The following TMEM135 variants were observed in gnomAD, a reference collection of about 807,000 sequenced individuals.
The protein encoded by TMEM135 is transmembrane protein 135.
A neutral mutation model predicts 60.3 loss-of-function variants in TMEM135; 30 were observed. That is an observed-to-expected ratio of 0.50 (90% confidence interval 0.37 to 0.68). TMEM135 has a LOEUF of 0.68. Among genes scored for constraint, TMEM135 ranks in the 30% least tolerant of loss-of-function variants. TMEM135 has a pLI of 0.00. For missense variants in TMEM135, 468 were observed against 548.8 expected (o/e 0.85, Z 1.47); for synonymous variants, 190 against 186.7 (o/e 1.02, Z -0.14).
chr11:87,180,368 C>A (rs182944051), intron 5 of TMEM135, among the ~76,000 whole-genome samples: 1 of 152,150 alleles, frequency 6.6e-6, no homozygotes, highest in African/African-American at 2.4e-5. Flanking sequence ...CCCTTTCTTG[C>A]CACTTCTCCC....
At chr11:87,215,461 G>C (rs1458706088) in intron 5 of TMEM135, among the ~76,000 whole-genome samples, 9 of 152,110 alleles carry the variant, frequency 5.9e-5, no homozygotes, top group Admixed American at 5.9e-4. Flanking sequence ...GGGGCTGCCT[G>C]GTCTTAACAT....
chr11:87,207,515 G>A (rs777989824), intron 5 of TMEM135, among the ~76,000 whole-genome samples: 5 of 152,054 alleles, frequency 3.3e-5, no homozygotes, highest in Non-Finnish European at 5.9e-5. Flanking sequence ...TTAATTGAAA[G>A]CATAAAATTT....
chr11:87,276,878 G>T (rs1311501513), intron 6 of TMEM135, among the ~76,000 whole-genome samples: 1 of 151,604 alleles, frequency 6.6e-6, no homozygotes, highest in Non-Finnish European at 1.5e-5. Flanking sequence ...CACCATGTTG[G>T]CCAGGCTGGT....
chr11:87,314,558 T>C lies in TMEM135; in HGVS notation c.1077+11T>C. On this transcript the variant is annotated intron_variant, in intron 12 of 14. Coordinates refer to ENST00000305494, the MANE Select transcript of TMEM135 (RefSeq NM_022918.4). Reference sequence around the variant, plus strand: ...TCCAAATTGGTAGAGGTAAGCGAAATTTTTGTGCAAGAATAGTTCCAAAGA... The same window carrying C: ...TCCAAATTGGTAGAGGTAAGCGAAACTTTTGTGCAAGAATAGTTCCAAAGA... 1 of 1,607,954 alleles carries C rather than the reference T, an allele frequency of 6.2e-7. No individual in the cohort carries two copies. The highest frequency in any genetic ancestry group is 2.2e-5 in the East Asian group (1 of 44,684).
intron 8 of TMEM135, 62 bp from the exon 9 acceptor site, chr11:87,305,874 C>A: frequency 8.1e-7 from 1 of 1,236,378 alleles, no homozygotes; most frequent in Non-Finnish European, 1.1e-6. Flanking sequence ...CAAACATGTA[C>A]AAACACATGG....
At chr11:87,079,204 C>A (rs907347271) in intron 3 of TMEM135, among the ~76,000 whole-genome samples, 2 of 152,068 alleles carry the variant, frequency 1.3e-5, no homozygotes, top group Admixed American at 1.3e-4. Flanking sequence ...TGGGGTTTCA[C>A]CATGCTGGCC....
intron 2 of TMEM135, among the ~76,000 whole-genome samples, chr11:87,068,874 A>G (rs1856719026): frequency 6.6e-6 from 1 of 152,110 alleles, no homozygotes; most frequent in African/African-American, 2.4e-5. Context: ...GATCATTATC[A>G]GATCATTAAT....
intron 1 of TMEM135, among the ~76,000 whole-genome samples, chr11:87,062,679 G>T (rs897049849): frequency 1.1e-4 from 16 of 151,690 alleles, no homozygotes; most frequent in Non-Finnish European, 2.2e-4. Flanking sequence ...TGGCCAGGCT[G>T]GTCTTGAACT....
chr11:87,120,799 G>A (rs61464568), intron 4 of TMEM135, among the ~76,000 whole-genome samples: 15,682 of 151,990 alleles, frequency 0.1, 838 homozygotes, highest in African/African-American at 0.12. Flanking sequence ...AATTATAATC[G>A]TTTAAAGCAC....
At chr11:87,063,818 C>G (rs1302304738) in intron 1 of TMEM135, among the ~76,000 whole-genome samples, 4 of 152,130 alleles carry the variant, frequency 2.6e-5, no homozygotes, top group African/African-American at 9.7e-5. Flanking sequence ...ACAGTTTGGT[C>G]TATCAATATG....
intron 3 of TMEM135, among the ~76,000 whole-genome samples, chr11:87,083,455 A>G (rs1325654343): frequency 6.6e-6 from 1 of 152,256 alleles, no homozygotes; most frequent in Admixed American, 6.5e-5. Flanking sequence ...GTGCTCAAAC[A>G]TGAACATGGA....
intron 4 of TMEM135, among the ~76,000 whole-genome samples, chr11:87,093,564 T>A (rs1406852700): frequency 6.6e-6 from 1 of 152,032 alleles, no homozygotes; most frequent in Non-Finnish European, 1.5e-5. Flanking sequence ...GGAGTCTCGC[T>A]CTGTCACCCG....
intron 5 of TMEM135, among the ~76,000 whole-genome samples, chr11:87,161,247 A>G (rs1388246090): frequency 6.6e-6 from 1 of 152,140 alleles, no homozygotes; most frequent in African/African-American, 2.4e-5. Flanking sequence ...CTAACTTTTA[A>G]AATAATCATT....
intron 3 of TMEM135, among the ~76,000 whole-genome samples, chr11:87,075,044 A>T (rs1590998878): frequency 6.6e-6 from 1 of 151,842 alleles, no homozygotes; most frequent in Non-Finnish European, 1.5e-5. Context: ...GGCCTAAGAG[A>T]TCCTCTTGCC....
chr11:87,159,091 G>A (rs1444542479), intron 5 of TMEM135, among the ~76,000 whole-genome samples: 1 of 152,076 alleles, frequency 6.6e-6, no homozygotes, highest in Non-Finnish European at 1.5e-5. Context: ...TACTTAATAG[G>A]CAGGAAATAG....
intron 8 of TMEM135, among the ~76,000 whole-genome samples, chr11:87,304,941 T>G (rs895835242): frequency 1.3e-5 from 2 of 152,218 alleles, no homozygotes; most frequent in Non-Finnish European, 2.9e-5. Flanking sequence ...TTTAACATGC[T>G]AAACCACTAA....
At chr11:87,185,452 C>T (rs1043848108) in intron 5 of TMEM135, among the ~76,000 whole-genome samples, 2 of 152,098 alleles carry the variant, frequency 1.3e-5, no homozygotes, top group African/African-American at 4.8e-5. Context: ...TCTTGGTTCT[C>T]TGTATTTCCT....
chr11:87,198,073 G>C (rs186349595), intron 5 of TMEM135, among the ~76,000 whole-genome samples: 1 of 152,090 alleles, frequency 6.6e-6, no homozygotes, highest in East Asian at 1.9e-4. Context: ...ATTTTTATGT[G>C]TTGGTGTCAT....
chr11:87,193,780 T>C (rs1196652019), intron 5 of TMEM135, among the ~76,000 whole-genome samples: 1 of 148,444 alleles, frequency 6.7e-6, no homozygotes, highest in African/African-American at 2.4e-5. Context: ...TATTATATAT[T>C]ATATAAACAT....
Sources: allele counts gnomAD v4.1 joint callset (sites outside exome capture counted in the v4.1 genomes callset), GRCh38; gene constraint gnomAD v4.1.1; transcripts MANE v1.5; gene names NCBI Gene and HGNC (gene_info 2026-07-23, HGNC 2026-07-21).